PPFIA2: variants seen among roughly 807,000 people sequenced by gnomAD.
PPFIA2 encodes PPFI scaffold protein A2, also known as liprin-alpha-2.
In PPFIA2, 46 loss-of-function variants were observed where a neutral mutation model predicts 175.5. The ratio of observed to expected loss-of-function variants is 0.26; its 90% CI spans 0.21 to 0.34. The LOEUF (loss-of-function observed/expected upper bound fraction) is 0.34, where lower values mean the gene tolerates loss of function less well. Among genes scored for constraint, PPFIA2 ranks in the 10% least tolerant of loss-of-function variants. The probability of loss-of-function intolerance (pLI) is 1.00; values close to 1 mark genes in which losing one functional copy is unlikely to be tolerated. For missense variants in PPFIA2, 1,179 were observed against 1,506.1 expected, an observed-to-expected ratio of 0.78 and a Z score of 3.60; for synonymous variants, 568 against 511.4, an observed-to-expected ratio of 1.11 and a Z score of -1.49.
At chr12:81,464,653 T>A (rs1052437011) in intron 4 of PPFIA2, among the ~76,000 whole-genome samples, 1 of 152,132 alleles carries the variant, frequency 6.6e-6, no homozygotes, top group Non-Finnish European at 1.5e-5. Flanking sequence ...GGGCAAAGCA[T>A]AGATTCACTC....
chr12:81,374,277 T>C (rs1216784285), intron 11 of PPFIA2, among the ~76,000 whole-genome samples: 1 of 152,136 alleles, frequency 6.6e-6, no homozygotes, highest in Non-Finnish European at 1.5e-5. Flanking sequence ...ATACTTCTAA[T>C]AGCAATTGAT....
intron 24 of PPFIA2, among the ~76,000 whole-genome samples, chr12:81,286,020 C>T (rs970767901): frequency 5.9e-5 from 9 of 151,848 alleles, no homozygotes; most frequent in East Asian, 1.9e-4. Context: ...CTGATGGTCC[C>T]GATCCTGTGT....
rs141632306 is a variant in PPFIA2 at position 81,382,394 on chromosome 12, T to C, written c.984+1629A>G. 5.3e-4 allele frequency among the ~76,000 whole-genome samples: 81 copies of C among 152,204 alleles called. 1 individual carries two copies. The highest frequency in any genetic ancestry group is 1.9e-3 in the African/African-American group (80 of 41,550). ...AAAAGTTTTAAGCAGAAAAGTGACA[T>C]GAACTGACTTATAGGCAGGCTGCTC... is the stretch of plus-strand genomic sequence containing the variant. On this transcript the variant is annotated intron_variant, in intron 9 of 32. Coordinates refer to ENST00000549396, the MANE Select transcript of PPFIA2 (RefSeq NM_003625.5).
intron 7 of PPFIA2, among the ~76,000 whole-genome samples, chr12:81,439,255 T>C (rs1405550401): frequency 1.3e-5 from 2 of 149,834 alleles, no homozygotes; most frequent in Non-Finnish European, 3.0e-5. Flanking sequence ...TATAGGAGAC[T>C]ATAATAATAC....
At chr12:81,714,937 T>G (rs892216288) in intron 3 of PPFIA2, among the ~76,000 whole-genome samples, 1 of 151,104 alleles carries the variant, frequency 6.6e-6, no homozygotes, top group African/African-American at 2.4e-5. Context: ...ATGTCAGCTC[T>G]TAACATTTCG....
At chr12:81,660,995 G>A (rs1227239405) in intron 4 of PPFIA2, among the ~76,000 whole-genome samples, 1 of 152,150 alleles carries the variant, frequency 6.6e-6, no homozygotes, top group East Asian at 1.9e-4. Flanking sequence ...ACAAGCAAAT[G>A]CTGAGAGATT....
At chr12:81,517,222 A>C (rs773381644) in intron 4 of PPFIA2, among the ~76,000 whole-genome samples, 3 of 151,252 alleles carry the variant, frequency 2.0e-5, no homozygotes, top group Non-Finnish European at 4.4e-5. Context: ...TTACCGAATC[A>C]CTGGTAGGGA....
intron 3 of PPFIA2, among the ~76,000 whole-genome samples, chr12:81,699,854 T>C (rs959970458): frequency 6.6e-6 from 1 of 152,060 alleles, no homozygotes; most frequent in African/African-American, 2.4e-5. Flanking sequence ...ATCTAACTTA[T>C]TCAATTCCTA....
intron 5 of PPFIA2, among the ~76,000 whole-genome samples, chr12:81,450,920 T>A (rs918888034): frequency 1.5e-4 from 23 of 152,230 alleles, no homozygotes; most frequent in African/African-American, 4.8e-4. Context: ...AGGAATTCTA[T>A]CATCCTGGAA....
chr12:81,375,109 T>C (rs2036055074), intron 10 of PPFIA2, among the ~76,000 whole-genome samples: 1 of 152,088 alleles, frequency 6.6e-6, no homozygotes, highest in African/African-American at 2.4e-5. Flanking sequence ...GTATTTAGAC[T>C]GGAGTTGGAG....
chr12:81,385,209 G>A (rs1340029085), intron 8 of PPFIA2, among the ~76,000 whole-genome samples: 1 of 151,914 alleles, frequency 6.6e-6, no homozygotes, highest in African/African-American at 2.4e-5. Context: ...AATAAGTGTT[G>A]GTAAAAGAAT....
intron 3 of PPFIA2, among the ~76,000 whole-genome samples, chr12:81,685,559 A>AT (rs1240446890): frequency 6.6e-6 from 1 of 152,052 alleles, no homozygotes; most frequent in Non-Finnish European, 1.5e-5. Context: ...TGTACTCTTC[A>AT]TGGGAGGACA....
In PPFIA2 at chr12:81,299,337, G is replaced by C; in HGVS notation, c.2688C>G (p.Ala896=). The C allele has an allele frequency of 6.3e-7, 1 of 1,597,010 alleles. No homozygotes were observed. Among genetic ancestry groups the C allele is most frequent in the Non-Finnish European group, 8.5e-7 (1 of 1,171,094 alleles). The part of the protein sequence containing the change: ...EEARRKGLPF[A]QWDGPTVVAW... ...CGACCACAGTTGGCCCATCCCACTG[G>C]GCAAAAGGTAATCCCTTTCTCCGAG... The change falls in exon 23 of 33, where the codon GCC becomes GCG. Residue 896 remains alanine (A), a synonymous_variant. Transcript: ENST00000549396.
chr12:81,624,694 G>A lies in PPFIA2; in HGVS notation c.303+52097C>T, dbSNP rs972076592. Among the ~76,000 whole-genome samples the A allele has an allele frequency of 1.0e-4, 15 of 149,396 alleles. No homozygotes were observed. The South Asian group carries it at 2.9e-3, about 29-fold the overall frequency. On this transcript the variant is annotated intron_variant, in intron 4 of 32. Coordinates refer to ENST00000549396, the MANE Select transcript of PPFIA2 (RefSeq NM_003625.5). ...GTTTTGAAGCAACTTGGATGGAGCTGGAAGCCATTATTCTAAGTGAAGTAA... is the reference window on the plus strand; with the variant it reads ...GTTTTGAAGCAACTTGGATGGAGCTAGAAGCCATTATTCTAAGTGAAGTAA...
At chr12:81,446,123 A>G (rs2051203054) in intron 5 of PPFIA2, among the ~76,000 whole-genome samples, 1 of 152,230 alleles carries the variant, frequency 6.6e-6, no homozygotes, top group Non-Finnish European at 1.5e-5. Context: ...ACATATGGCC[A>G]TTAAAATAAT....
chr12:81,686,517 G>A (rs2074440879), intron 3 of PPFIA2, among the ~76,000 whole-genome samples: 1 of 151,962 alleles, frequency 6.6e-6, no homozygotes, highest in Non-Finnish European at 1.5e-5. Flanking sequence ...TGGCTGAGGC[G>A]ATAAAGGGAA....
At chr12:81,689,886 G>A (rs1791377270) in intron 3 of PPFIA2, among the ~76,000 whole-genome samples, 1 of 152,088 alleles carries the variant, frequency 6.6e-6, no homozygotes, top group Non-Finnish European at 1.5e-5. Context: ...GTTCCTTGGG[G>A]TTAGTGCAGT....
At chr12:81,731,288 G>A (rs1440201988) in intron 3 of PPFIA2, among the ~76,000 whole-genome samples, 1 of 151,390 alleles carries the variant, frequency 6.6e-6, no homozygotes, top group African/African-American at 2.4e-5. Flanking sequence ...GATTGAGATG[G>A]AAATGTAACT....
At chr12:81,663,782 C>G (rs1596165544) in intron 4 of PPFIA2, among the ~76,000 whole-genome samples, 1 of 152,140 alleles carries the variant, frequency 6.6e-6, no homozygotes, top group South Asian at 2.1e-4. Flanking sequence ...TACCTGACTT[C>G]AAACTATACT....
Sources: allele counts gnomAD v4.1 joint callset (sites outside exome capture counted in the v4.1 genomes callset), GRCh38; gene constraint gnomAD v4.1.1; transcripts MANE v1.5; gene names NCBI Gene and HGNC (gene_info 2026-07-23, HGNC 2026-07-21).